Variants in ARMH3 observed in about 807,000 individuals in gnomAD.
ARMH3 encodes armadillo like helical domain containing 3.
In ARMH3, 60 loss-of-function variants were observed where a neutral mutation model predicts 99.1. The ratio of observed to expected loss-of-function variants is 0.61; its 90% CI spans 0.49 to 0.75. ARMH3 has a LOEUF of 0.75. ARMH3 is among the 30% of genes least tolerant of loss of function. The pLI, the probability that ARMH3 is intolerant of heterozygous loss-of-function variation, is 0.00. For missense variants in ARMH3, 679 were observed against 843.1 expected, an observed-to-expected ratio of 0.81 and a Z score of 2.41; for synonymous variants, 285 against 292.8, an observed-to-expected ratio of 0.97 and a Z score of 0.27.
At chr10:101,920,187 C>G (rs1400675830) in intron 23 of ARMH3, among the ~76,000 whole-genome samples, 1 of 152,170 alleles carries the variant, frequency 6.6e-6, no homozygotes, top group Non-Finnish European at 1.5e-5. Flanking sequence ...GATAAGTAGA[C>G]AGTTGCTGCT....
chr10:101,984,650 C>T (rs902521772), intron 19 of ARMH3, among the ~76,000 whole-genome samples: 36 of 152,048 alleles, frequency 2.4e-4, no homozygotes, highest in Non-Finnish European at 4.4e-5. Flanking sequence ...CAGCACTGCT[C>T]CTAGATTCTG....
intron 20 of ARMH3, among the ~76,000 whole-genome samples, chr10:101,965,352 T>G (rs1845488154): frequency 6.6e-6 from 1 of 152,182 alleles, no homozygotes; most frequent in Non-Finnish European, 1.5e-5. Context: ...ACAAAGATGC[T>G]TCCTCACTGA....
intron 20 of ARMH3, among the ~76,000 whole-genome samples, chr10:101,966,300 T>G (rs1190019615): frequency 2.9e-5 from 4 of 136,432 alleles, no homozygotes; most frequent in South Asian, 2.5e-4. Context: ...TTTTTTTTTT[T>G]TTTTTTTTTT....
chr10:101,867,339 C>T (rs1038151975), intron 24 of ARMH3, among the ~76,000 whole-genome samples: 15 of 152,306 alleles, frequency 9.8e-5, no homozygotes, highest in Admixed American at 5.9e-4. Context: ...CATGACCCCA[C>T]GAATTCAGCA....
Position 101,990,513 on chromosome 10 carries a change from GATTTGTACACATTAAATGTGTACAT to G in ARMH3, c.1406+13_1406+37del, listed in dbSNP as rs747415456. 1 of 1,444,362 alleles carries G rather than the reference GATTTGTACACATTAAATGTGTACAT, an allele frequency of 6.9e-7. No homozygotes were observed. The highest frequency in any genetic ancestry group is 9.7e-7 in the Non-Finnish European group (1 of 1,033,060). 89.5% of individuals were successfully genotyped at this position (1,444,362 alleles called of 1,614,324 possible). On this transcript the variant is annotated intron_variant, in intron 19 of 25. Coordinates refer to ENST00000370033, the MANE Select transcript of ARMH3 (RefSeq NM_024541.3). Reference sequence around the variant, plus strand: ...TTCTAACATTCAGTTCTTTAAAATAGATTTGTACACATTAAATGTGTACATATTTGTACTTACATATAGAGATCCA... The same window carrying G: ...TTCTAACATTCAGTTCTTTAAAATAGATTTGTACTTACATATAGAGATCCA...
intron 13 of ARMH3, among the ~76,000 whole-genome samples, chr10:102,008,867 G>T (rs7098695): frequency 0.012 from 1,819 of 151,994 alleles, 33 homozygotes; most frequent in African/African-American, 0.042. Flanking sequence ...GCAGGGCCCA[G>T]CGCTCAGTAT....
intron 21 of ARMH3, among the ~76,000 whole-genome samples, chr10:101,957,420 C>T (rs1845090123): frequency 6.6e-6 from 1 of 152,132 alleles, no homozygotes. Flanking sequence ...CTAACCTATA[C>T]CCACCCCTGC....
intron 17 of ARMH3, among the ~76,000 whole-genome samples, chr10:101,993,104 G>A (rs1034090411): frequency 4.6e-5 from 7 of 151,614 alleles, no homozygotes; most frequent in Non-Finnish European, 2.9e-5. Flanking sequence ...AACCCCATCT[G>A]TAACGAAAAT....
At chr10:101,891,098 C>T (rs2067678767) in intron 23 of ARMH3, among the ~76,000 whole-genome samples, 2 of 152,080 alleles carry the variant, frequency 1.3e-5, no homozygotes, top group African/African-American at 4.8e-5. Context: ...TGGTCTCAAA[C>T]TCCTGAGCTC....
At chr10:101,906,327 G>C (rs776374933) in intron 23 of ARMH3, among the ~76,000 whole-genome samples, 2 of 152,172 alleles carry the variant, frequency 1.3e-5, no homozygotes, top group Non-Finnish European at 2.9e-5. Flanking sequence ...TTTATTAGCT[G>C]TTGCCAAACT....
chr10:102,013,984 T>A lies in ARMH3; in HGVS notation c.710A>T (p.Asp237Val). ...PYIVKLSIVD[D>V]EATLNGMGLV... Reference sequence around the variant, plus strand: ...GATACTCACATTGAGTGTGGCCTCATCATCCACGATAGACAGCTTCACAAT... The same window carrying A: ...GATACTCACATTGAGTGTGGCCTCAACATCCACGATAGACAGCTTCACAAT... Residue 237 changes from aspartate to valine, a missense_variant, in exon 9 of 26, where the codon GAT (aspartate) becomes GTT (valine). Asp to Val is a radical substitution (Grantham distance 152). Coordinates refer to ENST00000370033, the MANE Select transcript of ARMH3 (RefSeq NM_024541.3). 1 of 1,610,712 alleles carries A rather than the reference T, an allele frequency of 6.2e-7. No homozygotes were observed. The highest frequency in any genetic ancestry group is 1.3e-5 in the African/African-American group (1 of 74,924).
chr10:101,992,537 C>T (rs545598257), intron 17 of ARMH3, among the ~76,000 whole-genome samples: 3 of 151,314 alleles, frequency 2.0e-5, no homozygotes, highest in Non-Finnish European at 4.4e-5. Context: ...GCTCTGTTGC[C>T]CAGGCTGGAG....
intron 24 of ARMH3, among the ~76,000 whole-genome samples, chr10:101,859,037 C>T (rs2066799469): frequency 6.6e-6 from 1 of 152,208 alleles, no homozygotes; most frequent in South Asian, 2.1e-4. Context: ...GCCCTCAGAG[C>T]CAAGTCTTGC....
intron 18 of ARMH3, 75 bp downstream of exon 18, chr10:101,991,894 G>A: frequency 1.5e-6 from 2 of 1,324,888 alleles, no homozygotes. Flanking sequence ...CATCAAACAG[G>A]TTCTACTCTT....
intron 17 of ARMH3, among the ~76,000 whole-genome samples, chr10:101,992,497 A>AT (rs71016357): frequency 0.21 from 29,702 of 143,702 alleles, 3,685 homozygotes; most frequent in Non-Finnish European, 0.29. Context: ...CCTCAATGTA[A>AT]TTTTTTTTTT....
chr10:102,005,279 A>T (rs1311490150), intron 14 of ARMH3, among the ~76,000 whole-genome samples: 2 of 151,830 alleles, frequency 1.3e-5, no homozygotes. Context: ...GCTACTCAGA[A>T]GGCTGAGGCA....
At chr10:102,012,161 G>A (rs1178517511) in intron 10 of ARMH3, among the ~76,000 whole-genome samples, 1 of 152,202 alleles carries the variant, frequency 6.6e-6, no homozygotes, top group East Asian at 1.9e-4. Flanking sequence ...AAGGAAATCA[G>A]TAAACTAAAC....
intron 20 of ARMH3, among the ~76,000 whole-genome samples, chr10:101,969,916 G>A (rs888878696): frequency 2.6e-5 from 4 of 152,094 alleles, no homozygotes; most frequent in South Asian, 4.1e-4. Flanking sequence ...TAAAAATAAC[G>A]ACTTATCACC....
chr10:101,871,884 C>G (rs1266275933), intron 24 of ARMH3, among the ~76,000 whole-genome samples: 1 of 151,862 alleles, frequency 6.6e-6, no homozygotes, highest in African/African-American at 2.4e-5. Flanking sequence ...GCTTGTAATC[C>G]CAGCTGCTCA....
Sources: gnomAD v4.1 joint callset for allele counts (sites outside exome capture counted in the v4.1 genomes callset) on GRCh38, gnomAD v4.1.1 for gene constraint, MANE v1.5 for transcripts, NCBI Gene and HGNC (gene_info 2026-07-23, HGNC 2026-07-21) for gene names.